Variants in DCDC1 observed in about 807,000 individuals in gnomAD.
DCDC1 encodes doublecortin domain-containing protein 1.
DCDC1 carries 200 observed loss-of-function variants against 178.3 expected under a neutral mutation model. The ratio of observed to expected loss-of-function variants is 1.12; its 90% CI spans 1.00 to 1.26. The LOEUF is 1.26. Ranked by LOEUF, DCDC1 falls within the 50% of genes most tolerant of loss-of-function variation. DCDC1 has a pLI of 0.00. For missense variants in DCDC1, 1,983 were observed against 1,749.2 expected, an observed-to-expected ratio of 1.13 and a Z score of -2.38; for synonymous variants, 690 against 604.8, an observed-to-expected ratio of 1.14 and a Z score of -2.07.
At chr11:31,238,309 A>G (rs1339627200) in intron 9 of DCDC1, among the ~76,000 whole-genome samples, 2 of 152,088 alleles carry the variant, frequency 1.3e-5, no homozygotes, top group African/African-American at 4.8e-5. Context: ...GTGTTTCTCA[A>G]CAGACTGCCA....
intron 21 of DCDC1, among the ~76,000 whole-genome samples, chr11:30,933,019 C>T (rs974284121): frequency 6.6e-6 from 1 of 151,708 alleles, no homozygotes; most frequent in African/African-American, 2.4e-5. Flanking sequence ...TTTCATAAAC[C>T]ATTGCTCTGG....
chr11:30,877,368 C>A (rs929414681), intron 38 of DCDC1, among the ~76,000 whole-genome samples: 2 of 152,090 alleles, frequency 1.3e-5, no homozygotes, highest in Non-Finnish European at 2.9e-5. Flanking sequence ...GGAAGAAGAG[C>A]ATTTCTCTGG....
intron 20 of DCDC1, among the ~76,000 whole-genome samples, chr11:30,973,837 A>G (rs1949949476): frequency 6.6e-6 from 1 of 152,210 alleles, no homozygotes; most frequent in Non-Finnish European, 1.5e-5. Context: ...TCATGTAGAT[A>G]GAAAATTAAG....
chr11:31,294,617 AG>A (rs1565565909), intron 6 of DCDC1, among the ~76,000 whole-genome samples: 1 of 9,026 alleles, frequency 1.1e-4, no homozygotes, highest in Non-Finnish European at 2.1e-4. Flanking sequence ...AGGGGAGGGG[AG>A]GGGAGGGGAG....
At chr11:31,001,688 C>A (rs747355750) in intron 20 of DCDC1, among the ~76,000 whole-genome samples, 7 of 152,208 alleles carry the variant, frequency 4.6e-5, no homozygotes, top group Admixed American at 1.3e-4. Context: ...TCAAGCAGAT[C>A]TTTTCTGACA....
At chr11:30,868,899 G>A (rs763691714) in intron 38 of DCDC1, among the ~76,000 whole-genome samples, 21 of 152,174 alleles carry the variant, frequency 1.4e-4, no homozygotes, top group Non-Finnish European at 2.9e-4. Flanking sequence ...GAGAATTCTG[G>A]GTGCTCTGTG....
At chr11:30,870,658 A>G (rs1941461247) in intron 38 of DCDC1, among the ~76,000 whole-genome samples, 1 of 152,136 alleles carries the variant, frequency 6.6e-6, no homozygotes, top group Non-Finnish European at 1.5e-5. Flanking sequence ...TGCAACATCC[A>G]CTTCTTTAGA....
chr11:31,351,340 T>A (rs1167828855), intron 1 of DCDC1, among the ~76,000 whole-genome samples: 2 of 152,144 alleles, frequency 1.3e-5, no homozygotes, highest in East Asian at 3.8e-4. Flanking sequence ...ACAACATAAA[T>A]ACTAGGCACT....
At chr11:30,895,607 A>C (rs1277627302) in intron 34 of DCDC1, among the ~76,000 whole-genome samples, 2 of 152,204 alleles carry the variant, frequency 1.3e-5, no homozygotes, top group African/African-American at 4.8e-5. Flanking sequence ...CAGCAATAAA[A>C]ATAAATGGCA....
chr11:31,076,602 C>T (rs1360505158), intron 18 of DCDC1, among the ~76,000 whole-genome samples: 1 of 152,120 alleles, frequency 6.6e-6, no homozygotes, highest in East Asian at 1.9e-4. Context: ...CCTTGGCTTC[C>T]CAAAGTGCTA....
At chr11:31,134,375 A>C (rs900092881) in intron 10 of DCDC1, among the ~76,000 whole-genome samples, 1 of 152,188 alleles carries the variant, frequency 6.6e-6, no homozygotes, top group Non-Finnish European at 1.5e-5. Flanking sequence ...GAGGATACTA[A>C]GGCAGGTCTA....
At chr11:30,942,068 C>G (rs1565103592) in intron 21 of DCDC1, among the ~76,000 whole-genome samples, 1 of 152,112 alleles carries the variant, frequency 6.6e-6, no homozygotes, top group Non-Finnish European at 1.5e-5. Context: ...GAAACTTTCA[C>G]CAGTACAGAA....
chr11:31,361,875 C>A (rs1951727153), intron 1 of DCDC1, among the ~76,000 whole-genome samples: 1 of 152,192 alleles, frequency 6.6e-6, no homozygotes, highest in Admixed American at 6.5e-5. Flanking sequence ...AACTAAGTAA[C>A]AACAGCACTT....
At chr11:31,166,640 A>G (rs1320307590) in intron 9 of DCDC1, among the ~76,000 whole-genome samples, 1 of 152,134 alleles carries the variant, frequency 6.6e-6, no homozygotes, top group Non-Finnish European at 1.5e-5. Context: ...TTTTTTAAAA[A>G]AAGAATAAAA....
At chr11:31,255,828 G>A (rs1944385118) in intron 8 of DCDC1, among the ~76,000 whole-genome samples, 1 of 152,006 alleles carries the variant, frequency 6.6e-6, no homozygotes, top group Non-Finnish European at 1.5e-5. Flanking sequence ...CAAATTTAAT[G>A]AAGTCCAATT....
intron 30 of DCDC1, among the ~76,000 whole-genome samples, chr11:30,905,402 T>C (rs1944989049): frequency 6.6e-6 from 1 of 152,214 alleles, no homozygotes; most frequent in Non-Finnish European, 1.5e-5. Flanking sequence ...GGCTTGTGTT[T>C]CTGGCATTCT....
chr11:31,230,330 A>G (rs574673242), intron 9 of DCDC1, among the ~76,000 whole-genome samples: 1 of 152,242 alleles, frequency 6.6e-6, no homozygotes, highest in African/African-American at 2.4e-5. Context: ...ACAATAAAAA[A>G]TAGTCATAAA....
At chr11:31,065,711 C>CA (rs1234999101) in intron 18 of DCDC1, among the ~76,000 whole-genome samples, 6 of 151,980 alleles carry the variant, frequency 3.9e-5, no homozygotes, top group African/African-American at 1.2e-4. Context: ...ACAAACAAAG[C>CA]AAAAAATATT....
At chr11:31,349,027 ATTTTT>A (rs146672032) in intron 1 of DCDC1, among the ~76,000 whole-genome samples, 4 of 137,918 alleles carry the variant, frequency 2.9e-5, no homozygotes, top group Non-Finnish European at 6.4e-5. Flanking sequence ...ATAATAGCTT[ATTTTT>A]TTTTAAGTGG....
Sources: allele counts gnomAD v4.1 joint callset (sites outside exome capture counted in the v4.1 genomes callset), GRCh38; gene constraint gnomAD v4.1.1; transcripts MANE v1.5; gene names NCBI Gene and HGNC (gene_info 2026-07-23, HGNC 2026-07-21).